Variants in ADGRL2 observed in about 807,000 individuals in gnomAD.
ADGRL2 encodes the protein calcium-independent alpha-latrotoxin receptor 2.
ADGRL2 carries 44 observed loss-of-function variants against 157.4 expected under a neutral mutation model. That is an observed-to-expected ratio of 0.28 (90% CI 0.22 to 0.36). The LOEUF (loss-of-function observed/expected upper bound fraction) is 0.36. ADGRL2 is among the 10% of genes least tolerant of loss of function. The pLI, the probability that ADGRL2 is intolerant of heterozygous loss-of-function variation, is 1.00. For synonymous variants in ADGRL2, 585 were observed against 624.7 expected, an observed-to-expected ratio of 0.94 and a Z score of 0.95; for missense variants, 1,510 against 1,768.9, an observed-to-expected ratio of 0.85 and a Z score of 2.63.
intron 2 of ADGRL2, among the ~76,000 whole-genome samples, chr1:81,495,625 T>C (rs1300094479): frequency 3.9e-5 from 6 of 152,144 alleles, no homozygotes; most frequent in Admixed American, 2.0e-4. Context: ...TCTCTCTTAA[T>C]TGATGAGCAG....
At chr1:81,343,157 C>T (rs1377413396) in intron 1 of ADGRL2, among the ~76,000 whole-genome samples, 3 of 139,226 alleles carry the variant, frequency 2.2e-5, no homozygotes, top group African/African-American at 8.4e-5. Context: ...GGTCCAGTCT[C>T]GGTTCACTGC....
intron 13 of ADGRL2, among the ~76,000 whole-genome samples, chr1:81,967,437 A>T (rs1202976643): frequency 1.3e-5 from 2 of 151,760 alleles, no homozygotes; most frequent in African/African-American, 4.8e-5. Flanking sequence ...AATTTTTTGT[A>T]TTTTTAGTAG....
At chr1:81,467,731 T>C (rs1384211720) in intron 2 of ADGRL2, among the ~76,000 whole-genome samples, 1 of 152,098 alleles carries the variant, frequency 6.6e-6, no homozygotes, top group African/African-American at 2.4e-5. Context: ...TCACCCTTGA[T>C]TGACAGGTTC....
intron 1 of ADGRL2, among the ~76,000 whole-genome samples, chr1:81,331,869 A>G (rs1453936946): frequency 2.6e-5 from 4 of 152,278 alleles, no homozygotes; most frequent in African/African-American, 4.8e-5. Flanking sequence ...AAATTAACCA[A>G]TTATTTGGAC....
chr1:81,870,958 T>A (rs1176696737), intron 2 of ADGRL2, among the ~76,000 whole-genome samples: 1 of 151,920 alleles, frequency 6.6e-6, no homozygotes, highest in Non-Finnish European at 1.5e-5. Flanking sequence ...TATTATACTT[T>A]AAGTTCTAGG....
chr1:81,676,803 C>T (rs1002157627), intron 3 of ADGRL2, among the ~76,000 whole-genome samples: 3 of 151,848 alleles, frequency 2.0e-5, no homozygotes, highest in Non-Finnish European at 4.4e-5. Flanking sequence ...TCTCCTGCCT[C>T]AGCCTCCCAA....
intron 2 of ADGRL2, among the ~76,000 whole-genome samples, chr1:81,490,629 T>C (rs1198406037): frequency 1.3e-5 from 2 of 152,168 alleles, no homozygotes; most frequent in African/African-American, 2.4e-5. Context: ...AAAATAGTTT[T>C]TTAAAGAAAT....
chr1:81,349,579 C>A (rs1407815035), intron 1 of ADGRL2, among the ~76,000 whole-genome samples: 2 of 149,350 alleles, frequency 1.3e-5, no homozygotes, highest in South Asian at 2.2e-4. Context: ...TATCTTGCAC[C>A]AATCTCTTTT....
At chr1:81,592,932 G>A (rs2081160828) in intron 3 of ADGRL2, among the ~76,000 whole-genome samples, 1 of 152,134 alleles carries the variant, frequency 6.6e-6, no homozygotes, top group African/African-American at 2.4e-5. Flanking sequence ...AAGTAGCTGG[G>A]TATGGGTACT....
chr1:81,676,697 A>T (rs1048560335), intron 3 of ADGRL2, among the ~76,000 whole-genome samples: 15 of 150,976 alleles, frequency 9.9e-5, no homozygotes, highest in African/African-American at 2.2e-4. Flanking sequence ...ATTTTATTTT[A>T]TTTTTTTTGA....
chr1:81,308,071 C>T (rs12406747), intron 1 of ADGRL2, among the ~76,000 whole-genome samples: 22,538 of 148,664 alleles, frequency 0.15, 2,033 homozygotes, highest in Admixed American at 0.23. Flanking sequence ...GGATAGCAAC[C>T]GAAAAAAAAA....
chr1:81,367,687 G>C (rs2076090600), intron 1 of ADGRL2, among the ~76,000 whole-genome samples: 2 of 152,096 alleles, frequency 1.3e-5, no homozygotes, highest in Admixed American at 1.3e-4. Context: ...CAAGTAGCTG[G>C]GATTACAGGC....
At chr1:81,664,569 C>T (rs568994711) in intron 3 of ADGRL2, among the ~76,000 whole-genome samples, 6 of 152,258 alleles carry the variant, frequency 3.9e-5, no homozygotes, top group Admixed American at 3.9e-4. Flanking sequence ...TCAAGAGTTT[C>T]CCTCCCAGGC....
chr1:81,571,286 C>T (rs1367928722), intron 2 of ADGRL2, among the ~76,000 whole-genome samples: 1 of 150,736 alleles, frequency 6.6e-6, no homozygotes, highest in East Asian at 1.9e-4. Context: ...GATCATGCCA[C>T]TGCATGTAGC....
chr1:81,726,688 C>T (rs932129560), intron 1 of ADGRL2, among the ~76,000 whole-genome samples: 6 of 152,182 alleles, frequency 3.9e-5, no homozygotes, highest in Admixed American at 3.3e-4. Flanking sequence ...ACTATACGTA[C>T]TCTAAAACTT....
chr1:81,434,691 G>A (rs2077379366), intron 1 of ADGRL2, among the ~76,000 whole-genome samples: 1 of 152,120 alleles, frequency 6.6e-6, no homozygotes, highest in African/African-American at 2.4e-5. Context: ...AAATTAGAAT[G>A]AGTATCATCT....
At chr1:81,478,078 A>G (rs1014206366) in intron 2 of ADGRL2, among the ~76,000 whole-genome samples, 2 of 151,996 alleles carry the variant, frequency 1.3e-5, no homozygotes, top group African/African-American at 2.4e-5. Flanking sequence ...ACTTTAATGT[A>G]TTGTCTTTAA....
chr1:81,390,498 A>G (rs1322161691), intron 1 of ADGRL2, among the ~76,000 whole-genome samples: 1 of 152,306 alleles, frequency 6.6e-6, no homozygotes. Flanking sequence ...AATTTTTAAG[A>G]TACAAATGAT....
At chr1:81,322,794 A>C (rs984030488) in intron 1 of ADGRL2, among the ~76,000 whole-genome samples, 2 of 152,202 alleles carry the variant, frequency 1.3e-5, no homozygotes, top group African/African-American at 4.8e-5. Context: ...CCTAGAAAAA[A>C]GAAGACTAAG....
Sources: gnomAD v4.1 joint callset for allele counts (sites outside exome capture counted in the v4.1 genomes callset) on GRCh38, gnomAD v4.1.1 for gene constraint, MANE v1.5 for transcripts, NCBI Gene and HGNC (gene_info 2026-07-23, HGNC 2026-07-21) for gene names.